Variants in MAP9 observed in about 807,000 individuals in gnomAD.
MAP9 encodes microtubule associated protein 9.
In MAP9, 80 loss-of-function variants were observed where a neutral mutation model predicts 75.2. The observed-to-expected ratio is 1.06, with a 90% confidence interval of 0.89 to 1.28. MAP9 has a LOEUF of 1.28. MAP9 is among the 50% of genes most tolerant of loss of function. The probability of loss-of-function intolerance (pLI) is 0.00; values close to 1 mark genes in which losing one functional copy is unlikely to be tolerated. For synonymous variants in MAP9, 235 were observed against 237.3 expected, an observed-to-expected ratio of 0.99 and a Z score of 0.09; for missense variants, 753 against 719.9, an observed-to-expected ratio of 1.05 and a Z score of -0.53.
intron 4 of MAP9, among the ~76,000 whole-genome samples, chr4:155,372,350 C>G (rs1463094237): frequency 1.3e-5 from 2 of 152,086 alleles, no homozygotes; most frequent in African/African-American, 4.8e-5. Context: ...CTAATAATTC[C>G]TTTATAAAAT....
intron 13 of MAP9, among the ~76,000 whole-genome samples, chr4:155,348,160 A>C (rs1731353069): frequency 6.6e-6 from 1 of 152,140 alleles, no homozygotes; most frequent in Admixed American, 6.5e-5. Context: ...ACATGGTGAA[A>C]CATCATCTCT....
intron 7 of MAP9, among the ~76,000 whole-genome samples, chr4:155,358,026 T>A (rs1397670908): frequency 6.6e-6 from 1 of 152,144 alleles, no homozygotes; most frequent in Non-Finnish European, 1.5e-5. Context: ...GTGAGATCAC[T>A]AGGCAGCGAT....
rs1010677480 is a variant in MAP9 at position 155,343,426 on chromosome 4, G to A, written c.*4357C>T. On this transcript the variant is annotated 3_prime_UTR_variant, in exon 14 of 14. Transcript: ENST00000311277. Reference sequence around the variant, plus strand: ...CAGGAGATGAGAACTGGGAACATGGGTGACTTTTGCTTATTTGCATTTTCT... The same window carrying A: ...CAGGAGATGAGAACTGGGAACATGGATGACTTTTGCTTATTTGCATTTTCT... 2.6e-5 allele frequency: 4 copies of A among 151,366 alleles called. No homozygotes were observed. Among genetic ancestry groups the A allele is most frequent in the African/African-American group, 9.7e-5 (4 of 41,316 alleles). 9.4% of individuals were successfully genotyped at this position (151,366 alleles called of 1,614,324 possible).
At chr4:155,375,234 T>C (rs1259757168) in intron 2 of MAP9, among the ~76,000 whole-genome samples, 2 of 152,198 alleles carry the variant, frequency 1.3e-5, no homozygotes, top group African/African-American at 4.8e-5. Flanking sequence ...CCCTTCCTCA[T>C]GGAGCTCGCA....
At chr4:155,371,570 A>G (rs1330936279) in intron 4 of MAP9, among the ~76,000 whole-genome samples, 5 of 151,992 alleles carry the variant, frequency 3.3e-5, no homozygotes, top group African/African-American at 1.2e-4. Context: ...TTTGGTAATC[A>G]ATGTATACAA....
chr4:155,370,350 C>A (rs997867163), intron 4 of MAP9, among the ~76,000 whole-genome samples: 1 of 152,190 alleles, frequency 6.6e-6, no homozygotes, highest in African/African-American at 2.4e-5. Flanking sequence ...TGATCCAATC[C>A]TACAGAATAA....
rs1174188134 is a variant in MAP9, at chr4:155,344,506, G to A, written c.*3277C>T. On this transcript the variant is annotated 3_prime_UTR_variant, in exon 14 of 14. Transcript: ENST00000311277. ...TTAAAGTATTAAAACCCCTTTCAGA[G>A]GCATAGTTCTATAACTCTAAGGAAC... The A allele has an allele frequency of 2.0e-5, 3 of 151,868 alleles. No individual in the cohort carries two copies. Among genetic ancestry groups the A allele is most frequent in the Non-Finnish European group, 2.9e-5 (2 of 67,860 alleles). The allele number at this position is 151,868 out of a possible 1,614,324, so 9.4% of individuals were successfully genotyped here. A position where few individuals can be genotyped will look rare whatever the true frequency, so the allele number is the denominator to read the frequency against.
intron 3 of MAP9, among the ~76,000 whole-genome samples, chr4:155,373,918 C>T (rs1203754300): frequency 6.6e-6 from 1 of 151,988 alleles, no homozygotes; most frequent in Admixed American, 6.5e-5. Context: ...ACTACAATTC[C>T]ATCCACACCA....
rs1381747377 is a variant in MAP9 at position 155,357,468 on chromosome 4, C to A, written c.1102G>T (p.Ala368Ser). ...IKNKKSTNNR[A>S]SSASARLMTS... Reference sequence around the variant, plus strand: ...TATTACCTGGCAGATGCACTGGATGCTCTATTATTTGTTGACTTTTTATTC... The same window carrying A: ...TATTACCTGGCAGATGCACTGGATGATCTATTATTTGTTGACTTTTTATTC... Residue 368 changes from alanine to serine, a missense_variant, in exon 8 of 14, where the codon GCA (alanine) becomes TCA (serine). Coordinates refer to ENST00000311277, the MANE Select transcript of MAP9 (RefSeq NM_001039580.2). 3 of 1,560,492 alleles carry A rather than the reference C, an allele frequency of 1.9e-6. No homozygotes were observed. Among genetic ancestry groups the A allele is most frequent in the African/African-American group, 1.4e-5 (1 of 73,764 alleles).
intron 10 of MAP9, 86 bp from the exon 11 acceptor site, chr4:155,353,426 A>ATGTG: frequency 1.8e-6 from 2 of 1,104,756 alleles, no homozygotes; most frequent in Non-Finnish European, 2.3e-6. Flanking sequence ...ATATACACAT[A>ATGTG]TACATTTATC....
At chr4:155,373,586 T>C (rs1578864138) in intron 3 of MAP9, 130 bp from the exon 4 acceptor site, 2 of 564,822 alleles carry the variant, frequency 3.5e-6, no homozygotes, top group Non-Finnish European at 5.9e-6. Context: ...AAATGTATTT[T>C]ATAAATAGAC....
Position 155,353,219 on chromosome 4 carries a change from G to A in MAP9, c.1502C>T (p.Thr501Ile), listed in dbSNP as rs1194845051. 5.0e-6 allele frequency: 8 copies of A among 1,600,368 alleles called. No individual in the cohort carries two copies. Among genetic ancestry groups the A allele is most frequent in the Non-Finnish European group, 6.8e-6 (8 of 1,174,682 alleles). The change falls in exon 11 of 14, where the codon ACT becomes ATT. Residue 501 changes from threonine (T) to isoleucine (I), a missense_variant. By Grantham distance (89) the Thr-to-Ile change is moderately conservative (BLOSUM62 -1). Coordinates refer to ENST00000311277, the MANE Select transcript of MAP9 (RefSeq NM_001039580.2). ...KRLEEKNKKKTEEENAARKGE... is the reference protein window; with the variant it reads ...KRLEEKNKKKIEEENAARKGE... ...TTTTCTTGCAGCATTTTCTTCTTCA[G>A]TTTTCTTCTTGTTTTTTTCTTCAAG...
In MAP9 at chr4:155,346,465, G is replaced by A. The variant is rs1191304918; in HGVS notation, c.*1318C>T. 1 of 152,172 alleles carries A rather than the reference G, an allele frequency of 6.6e-6. No homozygotes were observed. The allele number at this position is 152,172 out of a possible 1,614,324, so 9.4% of individuals were successfully genotyped here. A position where few individuals can be genotyped will look rare whatever the true frequency, so the allele number is the denominator to read the frequency against. Reference sequence around the variant, plus strand: ...TGGCAGTCTCTGAGGCTACAGAGAAGTGTGAAAAAGAGCATAGAGATTTCA... The same window carrying A: ...TGGCAGTCTCTGAGGCTACAGAGAAATGTGAAAAAGAGCATAGAGATTTCA... On this transcript the variant is annotated 3_prime_UTR_variant, in exon 14 of 14. Coordinates refer to ENST00000311277, the MANE Select transcript of MAP9 (RefSeq NM_001039580.2).
At chr4:155,361,528 G>A (rs1380621) in intron 6 of MAP9, among the ~76,000 whole-genome samples, 92,727 of 151,852 alleles carry the variant, frequency 0.61, 29,063 homozygotes, top group East Asian at 0.79. Flanking sequence ...CTATGGTATT[G>A]CTGTAAATGC....
Position 155,344,856 on chromosome 4 carries a change from C to T in MAP9, c.*2927G>A, listed in dbSNP as rs1332608501. 1 of 151,772 alleles carries T rather than the reference C, an allele frequency of 6.6e-6. No homozygotes were observed. Among genetic ancestry groups the T allele is most frequent in the African/African-American group, 2.4e-5 (1 of 41,384 alleles). The allele number at this position is 151,772 out of a possible 1,614,324, so 9.4% of individuals were successfully genotyped here. A position where few individuals can be genotyped will look rare whatever the true frequency, so the allele number is the denominator to read the frequency against. ...TCCACAAATGTGCTTTCTAAGGAAA[C>T]TTGTTTTAAGTAATGTTTTAAAATA... is the stretch of plus-strand genomic sequence containing the variant. On this transcript the variant is annotated 3_prime_UTR_variant, in exon 14 of 14. Coordinates refer to ENST00000311277, the MANE Select transcript of MAP9 (RefSeq NM_001039580.2).
At position 155,374,994 on chromosome 4, in the gene MAP9, G is replaced by A. The variant is rs188784938; in HGVS notation, c.103C>T (p.Arg35Cys). 30 of 1,586,502 alleles carry A rather than the reference G, an allele frequency of 1.9e-5. No homozygotes were observed. In the South Asian group the frequency reaches 2.1e-4, roughly 11 times the overall value. The change falls in exon 3 of 14, where the codon CGC becomes TGC. Residue 35 changes from arginine (R) to cysteine (C), a missense_variant. By Grantham distance (180) the Arg-to-Cys change is radical. Coordinates refer to ENST00000311277, the MANE Select transcript of MAP9 (RefSeq NM_001039580.2). ...TCAGAACTCCTTTGTCTGGCTGAGC[G>A]AGCTGTAATTGCTCTTATTAGCTCA... ...QDELIRAITARSARQRSSEYS... is the reference protein window; with the variant it reads ...QDELIRAITACSARQRSSEYS...
intron 10 of MAP9, among the ~76,000 whole-genome samples, 189 bp downstream of exon 10, chr4:155,354,880 ATC>A (rs1034095536): frequency 1.3e-5 from 2 of 152,230 alleles, no homozygotes; most frequent in African/African-American, 4.8e-5. Flanking sequence ...CAAAATTAAA[ATC>A]TGTTTTCATG....
In MAP9 at chr4:155,357,483, A is replaced by G. The variant is rs141142100; in HGVS notation, c.1087T>C (p.Ser363Pro). The G allele has an allele frequency of 4.2e-4, 662 of 1,563,218 alleles. No individual in the cohort carries two copies. The highest frequency in any genetic ancestry group is 5.3e-4 in the Non-Finnish European group (601 of 1,134,902). The change falls in exon 8 of 14, where the codon TCA (serine) becomes CCA (proline). Residue 363 changes from serine (S) to proline (P), a missense_variant. By Grantham distance (74) the Ser-to-Pro change is moderately conservative (BLOSUM62 -1). Coordinates refer to ENST00000311277, the MANE Select transcript of MAP9 (RefSeq NM_001039580.2). ...GCACTGGATGCTCTATTATTTGTTG[A>G]CTTTTTATTCTTTATATTTCTATCT... is the stretch of plus-strand genomic sequence containing the variant. ...IEDRNIKNKK[S>P]TNNRASSASA...
In MAP9 at chr4:155,370,552, C is replaced by T. The variant is rs116033055; in HGVS notation, c.482-1740G>A. Among the ~76,000 whole-genome samples the T allele has an allele frequency of 5.2e-3, 787 of 152,192 alleles. 9 individuals are homozygous for T. The highest frequency in any genetic ancestry group is 0.018 in the African/African-American group (736 of 41,520). On this transcript the variant is annotated intron_variant, in intron 4 of 13. Coordinates refer to ENST00000311277, the MANE Select transcript of MAP9 (RefSeq NM_001039580.2). ...AGCTGATCCCCCTGCCTAGAATATC[C>T]ACTTCCTGCTTCTCCTCCTGACAAA...
Sources: gnomAD v4.1 joint callset for allele counts (sites outside exome capture counted in the v4.1 genomes callset) on GRCh38, gnomAD v4.1.1 for gene constraint, MANE v1.5 for transcripts, NCBI Gene and HGNC (gene_info 2026-07-23, HGNC 2026-07-21) for gene names.